CTNND2: variants seen among roughly 807,000 people sequenced by gnomAD.
The protein encoded by CTNND2 is catenin delta 2, also known as catenin delta-2.
CTNND2 carries 22 observed loss-of-function variants against 144.4 expected under a neutral mutation model. The observed-to-expected ratio is 0.15, with a 90% CI of 0.11 to 0.22. The LOEUF (loss-of-function observed/expected upper bound fraction) is 0.22, where lower values mean the gene tolerates loss of function less well. Among genes scored for constraint, CTNND2 ranks in the 10% least tolerant of loss-of-function variants. The probability of loss-of-function intolerance (pLI) is 1.00; values close to 1 mark genes in which losing one functional copy is unlikely to be tolerated. For missense variants in CTNND2, 1,353 were observed against 1,618.8 expected (o/e 0.84, Z 2.82); for synonymous variants, 751 against 695.6 (o/e 1.08, Z -1.25).
chr5:11,315,969 G>T (rs983663626), intron 9 of CTNND2, among the ~76,000 whole-genome samples: 17 of 152,134 alleles, frequency 1.1e-4, no homozygotes, highest in Non-Finnish European at 2.2e-4. Flanking sequence ...TACCAACCTG[G>T]ATTAAAATGC....
chr5:11,440,060 A>T (rs903374144), intron 3 of CTNND2, among the ~76,000 whole-genome samples: 1 of 152,152 alleles, frequency 6.6e-6, no homozygotes, highest in Non-Finnish European at 1.5e-5. Context: ...AAGCCAGGAC[A>T]GTTCTGAGAA....
chr5:11,243,805 A>G (rs1221960506), intron 9 of CTNND2, among the ~76,000 whole-genome samples: 1 of 152,208 alleles, frequency 6.6e-6, no homozygotes, highest in African/African-American at 2.4e-5. Context: ...CATTGTCACA[A>G]TATCTTATCA....
chr5:11,349,802 T>C lies in CTNND2; in HGVS notation c.1373-3175A>G, dbSNP rs549706086. ...ATAAAAGATGGGTTCACTAAGGAAT[T>C]AACAACCTGAACATTATGTTGAAAA... On this transcript the variant is annotated intron_variant, in intron 8 of 21. Coordinates refer to ENST00000304623, the MANE Select transcript of CTNND2 (RefSeq NM_001332.4). Among the ~76,000 whole-genome samples the C allele has an allele frequency of 2.6e-5, 4 of 152,334 alleles. No individual in the cohort carries two copies. The South Asian group carries it at 8.3e-4, about 32-fold the overall frequency.
chr5:11,030,670 A>T (rs573247750), intron 16 of CTNND2, among the ~76,000 whole-genome samples: 1 of 148,194 alleles, frequency 6.7e-6, no homozygotes, highest in South Asian at 2.1e-4. Flanking sequence ...TCTTCCTTTA[A>T]TTCTTTGAAC....
intron 1 of CTNND2, among the ~76,000 whole-genome samples, chr5:11,777,535 G>A (rs1790322777): frequency 6.6e-6 from 1 of 152,176 alleles, no homozygotes; most frequent in African/African-American, 2.4e-5. Flanking sequence ...GAAGATGGAG[G>A]TGGTTGAGTG....
intron 2 of CTNND2, among the ~76,000 whole-genome samples, chr5:11,687,648 T>A (rs951405456): frequency 3.9e-5 from 6 of 152,184 alleles, no homozygotes; most frequent in South Asian, 2.1e-4. Context: ...CACACACAGA[T>A]AATATCTGTA....
intron 3 of CTNND2, among the ~76,000 whole-genome samples, chr5:11,553,588 A>G (rs750612784): frequency 6.6e-6 from 1 of 152,214 alleles, no homozygotes; most frequent in Admixed American, 6.5e-5. Flanking sequence ...ATAAATTATG[A>G]CTATATTTCA....
chr5:11,841,649 G>A (rs1475896012), intron 1 of CTNND2, among the ~76,000 whole-genome samples: 1 of 152,108 alleles, frequency 6.6e-6, no homozygotes, highest in Non-Finnish European at 1.5e-5. Context: ...CGGGCTCTCT[G>A]GGGTGGTGAC....
At chr5:11,875,452 T>A (rs1735491840) in intron 1 of CTNND2, among the ~76,000 whole-genome samples, 1 of 152,204 alleles carries the variant, frequency 6.6e-6, no homozygotes, top group Non-Finnish European at 1.5e-5. Flanking sequence ...ATGGACTGAA[T>A]CTTTGTGCTT....
intron 1 of CTNND2, among the ~76,000 whole-genome samples, chr5:11,869,990 C>T (rs1304543735): frequency 6.6e-6 from 1 of 152,100 alleles, no homozygotes; most frequent in Non-Finnish European, 1.5e-5. Flanking sequence ...ATTAGAGAGG[C>T]CTTGAAGAAG....
intron 2 of CTNND2, among the ~76,000 whole-genome samples, chr5:11,615,747 C>T (rs1457461384): frequency 6.6e-6 from 1 of 152,166 alleles, no homozygotes; most frequent in Non-Finnish European, 1.5e-5. Context: ...CCCCATGACA[C>T]AAGAGCTATG....
At chr5:11,373,471 C>G (rs1353342157) in intron 7 of CTNND2, among the ~76,000 whole-genome samples, 1 of 152,116 alleles carries the variant, frequency 6.6e-6, no homozygotes, top group East Asian at 1.9e-4. Flanking sequence ...TATCTAGGTT[C>G]CCTGCATTGC....
At chr5:10,995,389 C>T (rs1469886289) in intron 18 of CTNND2, among the ~76,000 whole-genome samples, 1 of 152,074 alleles carries the variant, frequency 6.6e-6, no homozygotes, top group African/African-American at 2.4e-5. Context: ...AGAAGGAGAC[C>T]AACCGAATAC....
At chr5:11,467,843 C>T (rs1373485567) in intron 3 of CTNND2, among the ~76,000 whole-genome samples, 1 of 152,162 alleles carries the variant, frequency 6.6e-6, no homozygotes, top group Non-Finnish European at 1.5e-5. Context: ...CAGTAAATGT[C>T]TTTCACTAAC....
At chr5:11,896,399 C>T (rs1304279238) in intron 1 of CTNND2, among the ~76,000 whole-genome samples, 1 of 152,048 alleles carries the variant, frequency 6.6e-6, no homozygotes, top group Non-Finnish European at 1.5e-5. Context: ...TTAATCATTT[C>T]TGTATTTTTG....
chr5:11,679,783 T>C (rs1784342978), intron 2 of CTNND2, among the ~76,000 whole-genome samples: 6 of 152,198 alleles, frequency 3.9e-5, no homozygotes, highest in Admixed American at 3.3e-4. Flanking sequence ...CTGCTAATGA[T>C]ATTAGTAACG....
chr5:11,151,043 G>A (rs1757716231), intron 12 of CTNND2, among the ~76,000 whole-genome samples: 1 of 152,214 alleles, frequency 6.6e-6, no homozygotes, highest in South Asian at 2.1e-4. Context: ...CAGGGGCATG[G>A]CCCCACGTGG....
intron 2 of CTNND2, among the ~76,000 whole-genome samples, chr5:11,671,558 T>C (rs182842365): frequency 2.6e-4 from 39 of 151,972 alleles, no homozygotes; most frequent in African/African-American, 8.2e-4. Context: ...TTTCTTCTGC[T>C]TGATTGATTT....
chr5:11,897,969 A>C (rs1249507563), intron 1 of CTNND2, among the ~76,000 whole-genome samples: 2 of 152,202 alleles, frequency 1.3e-5, no homozygotes, highest in African/African-American at 2.4e-5. Context: ...AAGAATAAAG[A>C]AGCAGCTTGC....
Sources: allele counts gnomAD v4.1 joint callset (sites outside exome capture counted in the v4.1 genomes callset), GRCh38; gene constraint gnomAD v4.1.1; transcripts MANE v1.5; gene names NCBI Gene and HGNC (gene_info 2026-07-23, HGNC 2026-07-21).